The following SCFD2 variants were observed in gnomAD, a reference collection of about 807,000 sequenced individuals.
SCFD2 encodes sec1 family domain-containing protein 2.
Under a neutral mutation model 58.9 loss-of-function variants are expected in SCFD2, and 54 were observed. The ratio of observed to expected loss-of-function variants is 0.92; its 90% CI spans 0.74 to 1.15. SCFD2 has a LOEUF of 1.15. Among genes scored for constraint, SCFD2 ranks in the 50% most tolerant of loss-of-function variants. The pLI is 0.00. For synonymous variants in SCFD2, 321 were observed against 335.9 expected, an observed-to-expected ratio of 0.96 and a Z score of 0.49; for missense variants, 805 against 836.6, an observed-to-expected ratio of 0.96 and a Z score of 0.47.
At chr4:52,928,361 C>T (rs1223908552) in intron 5 of SCFD2, among the ~76,000 whole-genome samples, 2 of 152,082 alleles carry the variant, frequency 1.3e-5, no homozygotes, top group Non-Finnish European at 2.9e-5. Context: ...GGTTGTCAGA[C>T]ATCAGGTTTT....
intron 8 of SCFD2, among the ~76,000 whole-genome samples, chr4:52,885,215 T>C (rs181281062): frequency 4.4e-4 from 67 of 152,236 alleles, no homozygotes; most frequent in African/African-American, 1.4e-3. Flanking sequence ...ATTGCCACAG[T>C]TGGGAGGTGG....
chr4:53,094,224 A>G (rs1358754575), intron 5 of SCFD2, among the ~76,000 whole-genome samples: 1 of 152,086 alleles, frequency 6.6e-6, no homozygotes, highest in African/African-American at 2.4e-5. Context: ...CCTCTACTCA[A>G]TTATGTGGCT....
chr4:53,037,347 T>G (rs563926819), intron 5 of SCFD2, among the ~76,000 whole-genome samples: 1 of 152,154 alleles, frequency 6.6e-6, no homozygotes. Flanking sequence ...ATTCTCCAAA[T>G]AGTAAGAGAA....
chr4:53,340,300 A>T (rs931138794), intron 2 of SCFD2, among the ~76,000 whole-genome samples: 2 of 152,208 alleles, frequency 1.3e-5, no homozygotes, highest in African/African-American at 4.8e-5. Flanking sequence ...CAAACGGCAC[A>T]CCAGGAGATA....
intron 5 of SCFD2, among the ~76,000 whole-genome samples, chr4:52,924,528 T>C (rs1172995783): frequency 6.6e-6 from 1 of 152,200 alleles, no homozygotes; most frequent in Non-Finnish European, 1.5e-5. Flanking sequence ...CAACTGTACA[T>C]GGGCAATTTC....
chr4:53,097,329 G>C (rs977479553), intron 5 of SCFD2, among the ~76,000 whole-genome samples: 20 of 152,284 alleles, frequency 1.3e-4, no homozygotes, highest in African/African-American at 2.6e-4. Flanking sequence ...TCACGATATT[G>C]ATTCTTGCTA....
At chr4:53,079,095 C>G (rs1481303952) in intron 5 of SCFD2, among the ~76,000 whole-genome samples, 1 of 152,062 alleles carries the variant, frequency 6.6e-6, no homozygotes, top group African/African-American at 2.4e-5. Flanking sequence ...ACTGGAGAAC[C>G]AGGAAAGCTG....
intron 4 of SCFD2, among the ~76,000 whole-genome samples, chr4:53,180,667 G>C (rs1727519020): frequency 6.6e-6 from 1 of 152,098 alleles, no homozygotes; most frequent in African/African-American, 2.4e-5. Flanking sequence ...AGAACTGAAG[G>C]AAACAGAGAC....
rs1033696847 is a variant in SCFD2, at chr4:52,989,865, G to A, written c.1562-68995C>T. Among the ~76,000 whole-genome samples, 5 of 152,136 alleles carry A rather than the reference G, an allele frequency of 3.3e-5. No homozygotes were observed. In the East Asian group the frequency reaches 9.7e-4, roughly 29 times the overall value. ...TCTCTGCTTACATGTTTCTAGTCCT[G>A]CTGTTCACCTCTCTTTATTTTTCCT... On this transcript the variant is annotated intron_variant, in intron 5 of 8. Transcript: ENST00000401642.
chr4:53,324,474 C>T (rs1733120034), intron 2 of SCFD2, among the ~76,000 whole-genome samples: 1 of 148,126 alleles, frequency 6.8e-6, no homozygotes, highest in African/African-American at 2.5e-5. Flanking sequence ...AAATGACTGT[C>T]AAAAAGGAAG....
intron 3 of SCFD2, among the ~76,000 whole-genome samples, chr4:53,284,095 G>A (rs1731588892): frequency 2.0e-5 from 3 of 149,328 alleles, no homozygotes; most frequent in Admixed American, 2.0e-4. Flanking sequence ...CTCCAGCCTG[G>A]GCGACAGAGC....
chr4:53,110,282 A>G (rs1412659932), intron 5 of SCFD2, among the ~76,000 whole-genome samples: 1 of 152,206 alleles, frequency 6.6e-6, no homozygotes, highest in Non-Finnish European at 1.5e-5. Context: ...CTAACACCAT[A>G]AAAACCCTAG....
chr4:52,913,944 G>A (rs922922432), intron 6 of SCFD2, among the ~76,000 whole-genome samples: 1 of 152,198 alleles, frequency 6.6e-6, no homozygotes, highest in Admixed American at 6.5e-5. Context: ...AGAAGAAAAG[G>A]CAATGGAGTT....
chr4:52,946,074 G>T (rs938164148), intron 5 of SCFD2, among the ~76,000 whole-genome samples: 1 of 152,062 alleles, frequency 6.6e-6, no homozygotes, highest in African/African-American at 2.4e-5. Flanking sequence ...AATGAAATAG[G>T]TTATTTGCAA....
At chr4:53,227,138 G>A (rs1729242650) in intron 4 of SCFD2, among the ~76,000 whole-genome samples, 1 of 152,126 alleles carries the variant, frequency 6.6e-6, no homozygotes, top group Admixed American at 6.5e-5. Context: ...TCTTATCTGA[G>A]CATCACCTGA....
At chr4:53,275,819 T>G (rs1227265258) in intron 3 of SCFD2, among the ~76,000 whole-genome samples, 1 of 152,230 alleles carries the variant, frequency 6.6e-6, no homozygotes, top group African/African-American at 2.4e-5. Context: ...TGAACCATAA[T>G]GTATCTGAGA....
At chr4:52,900,043 A>C (rs1719143002) in intron 7 of SCFD2, among the ~76,000 whole-genome samples, 1 of 152,004 alleles carries the variant, frequency 6.6e-6, no homozygotes, top group African/African-American at 2.4e-5. Context: ...TTGTAGTTAT[A>C]CATTTGTCTA....
chr4:53,238,472 C>T (rs1390924691), intron 4 of SCFD2, among the ~76,000 whole-genome samples: 2 of 149,406 alleles, frequency 1.3e-5, no homozygotes, highest in Admixed American at 6.6e-5. Context: ...ACCTCCCTCC[C>T]GGATGGGGCG....
chr4:52,988,440 T>C (rs189898397), intron 5 of SCFD2, among the ~76,000 whole-genome samples: 1 of 152,324 alleles, frequency 6.6e-6, no homozygotes, highest in Admixed American at 6.5e-5. Context: ...AATGTCCTGG[T>C]TACACAGCTT....
Sources: gnomAD v4.1 joint callset for allele counts (sites outside exome capture counted in the v4.1 genomes callset) on GRCh38, gnomAD v4.1.1 for gene constraint, MANE v1.5 for transcripts, NCBI Gene and HGNC (gene_info 2026-07-23, HGNC 2026-07-21) for gene names.